MEIS2: variants seen among roughly 807,000 people sequenced by gnomAD.
MEIS2 encodes homeobox protein Meis2.
In MEIS2, 9 loss-of-function variants were observed where a neutral mutation model predicts 58.6. The observed-to-expected ratio is 0.15, with a 90% confidence interval of 0.09 to 0.27. The LOEUF (loss-of-function observed/expected upper bound fraction) is 0.27. Among genes scored for constraint, MEIS2 ranks in the 10% least tolerant of loss-of-function variants. The pLI, the probability that MEIS2 is intolerant of heterozygous loss-of-function variation, is 1.00. For missense variants in MEIS2, 427 were observed against 635.0 expected (o/e 0.67, Z 3.52); for synonymous variants, 221 against 228.4 (o/e 0.97, Z 0.29).
Position 36,998,236 on chromosome 15 carries a change from GTT to G in MEIS2, c.900+38576_900+38577del, listed in dbSNP as rs5811954. Among the ~76,000 whole-genome samples, 288 of 66,782 alleles carry G rather than the reference GTT, an allele frequency of 4.3e-3. 1 individual carries two copies. The highest frequency in any genetic ancestry group is 0.015 in the African/African-American group (265 of 17,504). 43.8% of individuals were successfully genotyped at this position (66,782 alleles called of 152,430 possible). On this transcript the variant is annotated intron_variant, in intron 8 of 11. Transcript: ENST00000561208. ...GGATATATTGTCGTAAAAACACAAAGTTTTTTTTTTTTTTTTTTTTTTTTTGG... is the reference window on the plus strand; with the variant it reads ...GGATATATTGTCGTAAAAACACAAAGTTTTTTTTTTTTTTTTTTTTTTTGG...
Position 37,074,164 on chromosome 15 carries a change from C to T in MEIS2, c.754+9607G>A, listed in dbSNP as rs568508394. On this transcript the variant is annotated intron_variant, in intron 7 of 11. Transcript: ENST00000561208. The stretch of plus-strand genomic sequence containing the variant: ...TAGATAATGGAGGATGGAGACGTTG[C>T]TCTGTGTTTTCAAAACACGCCTCAT... Among the ~76,000 whole-genome samples the T allele has an allele frequency of 2.2e-4, 34 of 151,992 alleles. No homozygotes were observed. In the South Asian group the frequency reaches 6.9e-3, roughly 31 times the overall value.
intron 8 of MEIS2, among the ~76,000 whole-genome samples, chr15:37,009,084 TAG>T (rs984269379): frequency 6.6e-6 from 1 of 152,036 alleles, no homozygotes; most frequent in Non-Finnish European, 1.5e-5. Context: ...GGTCAGGAGA[TAG>T]AGACCATCCT....
intron 8 of MEIS2, among the ~76,000 whole-genome samples, chr15:36,952,268 G>A (rs1366602130): frequency 6.6e-6 from 1 of 152,070 alleles, no homozygotes; most frequent in Admixed American, 6.6e-5. Context: ...CAAAAAAAAT[G>A]TAAAAATCCT....
intron 8 of MEIS2, among the ~76,000 whole-genome samples, chr15:37,008,516 T>C (rs775631230): frequency 7.9e-5 from 12 of 152,200 alleles, no homozygotes; most frequent in Non-Finnish European, 1.3e-4. Flanking sequence ...TCTTCTTATT[T>C]CTATAATAAG....
At chr15:36,995,111 A>G (rs1236037113) in intron 8 of MEIS2, among the ~76,000 whole-genome samples, 1 of 152,202 alleles carries the variant, frequency 6.6e-6, no homozygotes, top group Non-Finnish European at 1.5e-5. Flanking sequence ...GTGGATCACA[A>G]CTTACAGAAA....
chr15:37,078,414 A>G (rs909818714), intron 7 of MEIS2, among the ~76,000 whole-genome samples: 4 of 151,660 alleles, frequency 2.6e-5, no homozygotes, highest in Non-Finnish European at 5.9e-5. Flanking sequence ...ACCAGATGTG[A>G]AAGACATTCA....
chr15:37,028,924 T>A (rs2061804813), intron 8 of MEIS2, among the ~76,000 whole-genome samples: 1 of 150,914 alleles, frequency 6.6e-6, no homozygotes, highest in Non-Finnish European at 1.5e-5. Context: ...AAAATCATTA[T>A]GAAATAGGAA....
intron 8 of MEIS2, among the ~76,000 whole-genome samples, chr15:36,968,865 T>C (rs538508857): frequency 8.5e-5 from 12 of 141,358 alleles, no homozygotes; most frequent in Middle Eastern, 3.5e-3. Flanking sequence ...AACTCTTTAA[T>C]TTGCATGTGC....
chr15:36,938,764 A>G (rs1014560117), intron 9 of MEIS2, among the ~76,000 whole-genome samples: 5 of 152,208 alleles, frequency 3.3e-5, no homozygotes, highest in Non-Finnish European at 7.3e-5. Flanking sequence ...GACCTTAAAA[A>G]TCACCCAGTC....
chr15:36,918,625 A>G (rs1339919793), intron 9 of MEIS2, among the ~76,000 whole-genome samples: 1 of 152,210 alleles, frequency 6.6e-6, no homozygotes, highest in African/African-American at 2.4e-5. Context: ...AAGAGTCTCA[A>G]TGCCAGAAGA....
At chr15:37,039,206 CTT>C (rs2062303964) in intron 7 of MEIS2, among the ~76,000 whole-genome samples, 2 of 152,158 alleles carry the variant, frequency 1.3e-5, no homozygotes, top group South Asian at 4.1e-4. Context: ...ATAAAGATAT[CTT>C]TGTGTGTAAT....
intron 8 of MEIS2, among the ~76,000 whole-genome samples, chr15:36,976,355 A>AT (rs1339379513): frequency 6.6e-6 from 1 of 152,058 alleles, no homozygotes; most frequent in Non-Finnish European, 1.5e-5. Flanking sequence ...AAGTGCTGGG[A>AT]TTACAGGCGT....
At chr15:36,956,887 TAAAAAAAAAAA>T (rs61478606) in intron 8 of MEIS2, among the ~76,000 whole-genome samples, 1 of 112,012 alleles carries the variant, frequency 8.9e-6, no homozygotes, top group African/African-American at 3.4e-5. Context: ...AAATGATTGT[TAAAAAAAAAAA>T]AAAAAAAAAA....
chr15:37,005,026 T>C (rs2060866589), intron 8 of MEIS2, among the ~76,000 whole-genome samples: 1 of 152,048 alleles, frequency 6.6e-6, no homozygotes, highest in Non-Finnish European at 1.5e-5. Context: ...GAGAAAGTCA[T>C]GTTGGAGCCT....
chr15:36,900,705 A>G (rs1185876151), intron 9 of MEIS2, among the ~76,000 whole-genome samples: 1 of 152,210 alleles, frequency 6.6e-6, no homozygotes. Flanking sequence ...GTCCTCAGAA[A>G]GTCTAAACTT....
At chr15:36,986,606 GC>G (rs1414260130) in intron 8 of MEIS2, among the ~76,000 whole-genome samples, 9 of 152,110 alleles carry the variant, frequency 5.9e-5, no homozygotes. Context: ...GAGATCTGAG[GC>G]CCAGCTCCTG....
intron 8 of MEIS2, among the ~76,000 whole-genome samples, chr15:36,962,218 C>T (rs1004443346): frequency 5.9e-5 from 9 of 152,246 alleles, no homozygotes; most frequent in South Asian, 2.1e-4. Context: ...TTGTGGCTTT[C>T]GCAGAAGAAC....
intron 8 of MEIS2, among the ~76,000 whole-genome samples, chr15:36,959,288 G>A (rs996909521): frequency 6.6e-5 from 10 of 152,054 alleles, no homozygotes; most frequent in Non-Finnish European, 1.3e-4. Context: ...TGCAAGTTAC[G>A]TAACACCCAT....
At chr15:36,974,202 T>C (rs553392871) in intron 8 of MEIS2, among the ~76,000 whole-genome samples, 194 of 152,336 alleles carry the variant, frequency 1.3e-3, no homozygotes, top group Admixed American at 2.0e-3. Context: ...ATTGAATCTA[T>C]AATTTTGTGT....
Sources: gnomAD v4.1 joint callset for allele counts (sites outside exome capture counted in the v4.1 genomes callset) on GRCh38, gnomAD v4.1.1 for gene constraint, MANE v1.5 for transcripts, NCBI Gene and HGNC (gene_info 2026-07-23, HGNC 2026-07-21) for gene names.